Variants in DLG2 observed in about 807,000 individuals in gnomAD.
DLG2 encodes disks large homolog 2.
DLG2 carries 45 observed loss-of-function variants against 132.5 expected under a neutral mutation model. The ratio of observed to expected loss-of-function variants is 0.34; its 90% confidence interval spans 0.27 to 0.44. DLG2 has a LOEUF of 0.44. Ranked by LOEUF, DLG2 falls within the 20% of genes least tolerant of loss-of-function variation. The probability of loss-of-function intolerance (pLI) is 1.00; values close to 1 mark genes in which losing one functional copy is unlikely to be tolerated. For missense variants in DLG2, 1,045 were observed against 1,196.9 expected (o/e 0.87, Z 1.87); for synonymous variants, 424 against 419.6 (o/e 1.01, Z -0.13).
chr11:83,928,322 T>C (rs2079387800), intron 15 of DLG2, among the ~76,000 whole-genome samples: 1 of 152,042 alleles, frequency 6.6e-6, no homozygotes, highest in South Asian at 2.1e-4. Context: ...ATGGTATTCA[T>C]GATACAGATG....
chr11:84,274,675 G>A (rs2097768189), intron 7 of DLG2, among the ~76,000 whole-genome samples: 1 of 152,158 alleles, frequency 6.6e-6, no homozygotes, highest in Admixed American at 6.5e-5. Flanking sequence ...ATTTTGAACT[G>A]AAGGAATGAA....
At chr11:84,923,238 T>C (rs1469140354) in intron 6 of DLG2, 2 of 1,545,032 alleles carry the variant, frequency 1.3e-6, no homozygotes, top group South Asian at 1.2e-5. Context: ...AGTTTGAAAA[T>C]GCATTGATCT....
intron 6 of DLG2, among the ~76,000 whole-genome samples, chr11:85,084,589 T>G (rs577290118): frequency 6.6e-6 from 1 of 152,034 alleles, no homozygotes; most frequent in Admixed American, 6.5e-5. Flanking sequence ...GTGTAACCAG[T>G]CAGCATGGTT....
At chr11:84,543,333 C>A (rs2099382645) in intron 6 of DLG2, among the ~76,000 whole-genome samples, 1 of 152,120 alleles carries the variant, frequency 6.6e-6, no homozygotes. Context: ...CCCTTCACTT[C>A]CTCAAGGTGA....
rs1231833249 is a variant in DLG2, at chr11:84,053,562, AAT to A, written c.919+5751_919+5752del. On this transcript the variant is annotated intron_variant, in intron 11 of 27. Transcript: ENST00000376104. Reference sequence around the variant, plus strand: ...CTTTTCTTTATTTCCCCTTCTGCCAAATATGGTAATAAGAGTAAAAAGATTAT... The same window carrying A: ...CTTTTCTTTATTTCCCCTTCTGCCAAATGGTAATAAGAGTAAAAAGATTAT... 2.6e-5 allele frequency among the ~76,000 whole-genome samples: 4 copies of A among 152,096 alleles called. No homozygotes were observed. The East Asian group carries it at 7.7e-4, about 29-fold the overall frequency.
intron 12 of DLG2, among the ~76,000 whole-genome samples, chr11:83,974,254 T>C (rs2091865537): frequency 6.6e-6 from 1 of 152,096 alleles, no homozygotes; most frequent in South Asian, 2.1e-4. Flanking sequence ...GATACTTGGA[T>C]GAAATCAGGC....
intron 6 of DLG2, chr11:84,923,070 C>A: frequency 6.2e-7 from 1 of 1,613,978 alleles, no homozygotes; most frequent in Non-Finnish European, 8.5e-7. Flanking sequence ...GGCTCGCCTC[C>A]TCTTACCTTC....
intron 6 of DLG2, among the ~76,000 whole-genome samples, chr11:84,962,826 T>C (rs1031413328): frequency 6.6e-6 from 1 of 152,246 alleles, no homozygotes; most frequent in African/African-American, 2.4e-5. Flanking sequence ...CTTTCTTTAA[T>C]GCTGCGTATT....
Position 85,231,801 on chromosome 11 carries a change from A to C in DLG2, c.186+53419T>G, listed in dbSNP as rs548976525. On this transcript the variant is annotated intron_variant, in intron 4 of 27. Transcript: ENST00000376104. ...ATGAATTTTGGGTGGTGTCAGCCCA[A>C]TGACTAACATGTTCAGCAAAGTCCT... is the stretch of plus-strand genomic sequence containing the variant. Among the ~76,000 whole-genome samples, 282 of 152,034 alleles carry C rather than the reference A, an allele frequency of 1.9e-3. 2 individuals carry two copies. The highest frequency in any genetic ancestry group is 6.3e-3 in the African/African-American group (263 of 41,518).
chr11:85,589,414 G>A (rs576722), intron 3 of DLG2, among the ~76,000 whole-genome samples: 3,412 of 152,210 alleles, frequency 0.022, 59 homozygotes, highest in Non-Finnish European at 0.036. Flanking sequence ...AGTAATGGGC[G>A]GGGTCATAAA....
chr11:85,366,582 G>A (rs1056959122), intron 3 of DLG2, among the ~76,000 whole-genome samples: 1 of 152,032 alleles, frequency 6.6e-6, no homozygotes, highest in African/African-American at 2.4e-5. Context: ...TAGACATTCA[G>A]GTTATATTTA....
chr11:84,149,973 G>T (rs1596177595), intron 9 of DLG2, among the ~76,000 whole-genome samples: 1 of 152,044 alleles, frequency 6.6e-6, no homozygotes, highest in African/African-American at 2.4e-5. Flanking sequence ...GGTCAGGCTG[G>T]TCTCAAACTC....
chr11:85,477,615 T>G (rs1242477450), intron 3 of DLG2, among the ~76,000 whole-genome samples: 1 of 152,214 alleles, frequency 6.6e-6, no homozygotes, highest in Non-Finnish European at 1.5e-5. Context: ...GTTCTTTAGG[T>G]AGGGGTATGT....
At chr11:84,965,651 T>A (rs1423190038) in intron 6 of DLG2, among the ~76,000 whole-genome samples, 1 of 152,054 alleles carries the variant, frequency 6.6e-6, no homozygotes, top group Non-Finnish European at 1.5e-5. Context: ...CTACGGAAAG[T>A]GAGGAGTCAG....
intron 18 of DLG2, among the ~76,000 whole-genome samples, chr11:83,695,913 ACATTTGAACC>A (rs1329536922): frequency 6.6e-6 from 1 of 152,080 alleles, no homozygotes; most frequent in African/African-American, 2.4e-5. Flanking sequence ...GTCACTGTAG[ACATTTGAACC>A]CAGCTGGAAA....
At chr11:84,009,660 C>T (rs1238049718) in intron 11 of DLG2, among the ~76,000 whole-genome samples, 1 of 151,942 alleles carries the variant, frequency 6.6e-6, no homozygotes, top group Non-Finnish European at 1.5e-5. Context: ...TAGTTTGATG[C>T]TGTGCAGTGT....
chr11:85,621,347 C>A (rs2081687402), intron 2 of DLG2, among the ~76,000 whole-genome samples: 2 of 152,204 alleles, frequency 1.3e-5, no homozygotes, highest in Admixed American at 1.3e-4. Flanking sequence ...TACATCCATT[C>A]TGCAGGCCAC....
intron 4 of DLG2, among the ~76,000 whole-genome samples, chr11:85,185,700 A>C (rs1461939056): frequency 6.6e-6 from 1 of 151,846 alleles, no homozygotes; most frequent in Non-Finnish European, 1.5e-5. Flanking sequence ...CTTTGTCCTC[A>C]TAACACCCTC....
chr11:84,129,225 G>C (rs1255454684), intron 9 of DLG2, among the ~76,000 whole-genome samples: 5 of 152,068 alleles, frequency 3.3e-5, no homozygotes, highest in African/African-American at 1.2e-4. Context: ...ACTGAACCAT[G>C]ACACATTTAC....
Sources: allele counts gnomAD v4.1 joint callset (sites outside exome capture counted in the v4.1 genomes callset), GRCh38; gene constraint gnomAD v4.1.1; transcripts MANE v1.5; gene names NCBI Gene and HGNC (gene_info 2026-07-23, HGNC 2026-07-21).